The following KLRD1 variants were observed in gnomAD, a reference collection of about 807,000 sequenced individuals.
KLRD1 encodes the protein natural killer cells antigen CD94.
KLRD1 carries 21 observed loss-of-function variants against 22.6 expected under a neutral mutation model. That is an observed-to-expected ratio of 0.93 (90% CI 0.66 to 1.34). The LOEUF (loss-of-function observed/expected upper bound fraction) is 1.34, where lower values mean the gene tolerates loss of function less well. Among genes scored for constraint, KLRD1 ranks in the 40% most tolerant of loss-of-function variants. KLRD1 has a pLI of 0.00. For missense variants in KLRD1, 183 were observed against 208.6 expected (o/e 0.88, Z 0.76); for synonymous variants, 59 against 71.1 (o/e 0.83, Z 0.85).
intron 1 of KLRD1, among the ~76,000 whole-genome samples, chr12:10,239,070 ACTTTTC>A (rs1218909121): frequency 2.6e-5 from 4 of 152,338 alleles, no homozygotes; most frequent in East Asian, 1.9e-4. Flanking sequence ...TTCACCAAAG[ACTTTTC>A]CTTTATCTTT....
intron 1 of KLRD1, among the ~76,000 whole-genome samples, chr12:10,243,228 A>G (rs1208877435): frequency 6.6e-6 from 1 of 152,174 alleles, no homozygotes; most frequent in Non-Finnish European, 1.5e-5. Flanking sequence ...GAATATGTTA[A>G]TTAGATTGAT....
chr12:10,254,819 G>A (rs903844209), intron 1 of KLRD1, among the ~76,000 whole-genome samples: 1 of 132,904 alleles, frequency 7.5e-6, no homozygotes, highest in African/African-American at 2.8e-5. Context: ...CTTGAACCCA[G>A]GAGGCGGAGA....
At chr12:10,276,184 A>G (rs1182881727) in intron 1 of KLRD1, among the ~76,000 whole-genome samples, 3 of 152,042 alleles carry the variant, frequency 2.0e-5, no homozygotes, top group Non-Finnish European at 4.4e-5. Flanking sequence ...TGGACATTTA[A>G]TTGCTTTCTT....
intron 1 of KLRD1, among the ~76,000 whole-genome samples, chr12:10,261,548 A>G (rs958590252): frequency 5.9e-5 from 9 of 152,180 alleles, no homozygotes; most frequent in African/African-American, 2.2e-4. Context: ...TAGAAGATAC[A>G]TGCAGGGTAG....
chr12:10,302,314 G>T (rs967916356), upstream of KLRD1, among the ~76,000 whole-genome samples: 1 of 152,178 alleles, frequency 6.6e-6, no homozygotes. Context: ...TATACAGAAC[G>T]TGGGTTGTTT....
intron 4 of KLRD1, among the ~76,000 whole-genome samples, chr12:10,312,321 G>C (rs1592090180): frequency 6.6e-6 from 1 of 151,962 alleles, no homozygotes; most frequent in East Asian, 1.9e-4. Flanking sequence ...CAAAGTGCTA[G>C]GATTACAGGC....
intron 1 of KLRD1, among the ~76,000 whole-genome samples, chr12:10,299,389 A>T (rs1190786050): frequency 6.6e-6 from 1 of 152,178 alleles, no homozygotes; most frequent in East Asian, 1.9e-4. Context: ...AATATAAGCA[A>T]ACCTTGGAGA....
chr12:10,288,912 G>A (rs1431931694), intron 1 of KLRD1, among the ~76,000 whole-genome samples: 1 of 152,188 alleles, frequency 6.6e-6, no homozygotes, highest in Non-Finnish European at 1.5e-5. Flanking sequence ...GAGTTGGTTA[G>A]TCTGATAGAG....
intron 1 of KLRD1, among the ~76,000 whole-genome samples, chr12:10,252,149 A>ACACTAGG (rs1157736513): frequency 1.3e-5 from 2 of 152,152 alleles, no homozygotes; most frequent in African/African-American, 4.8e-5. Flanking sequence ...CATTGAAAAG[A>ACACTAGG]CACTAGGCCA....
upstream of KLRD1, among the ~76,000 whole-genome samples, chr12:10,302,404 A>C (rs1343087779): frequency 3.3e-5 from 5 of 152,204 alleles, no homozygotes; most frequent in Non-Finnish European, 7.3e-5. Context: ...GGTAAGTGTC[A>C]CCCAGTGCAG....
chr12:10,309,813 G>T (rs1452046103), intron 3 of KLRD1, 125 bp downstream of exon 3: 2 of 676,044 alleles, frequency 3.0e-6, no homozygotes, highest in Admixed American at 5.4e-5. Flanking sequence ...ACCAGTGTAG[G>T]ATAGTCTCAT....
upstream of KLRD1, among the ~76,000 whole-genome samples, chr12:10,303,524 T>C (rs1272643166): frequency 6.6e-6 from 1 of 152,216 alleles, no homozygotes; most frequent in Non-Finnish European, 1.5e-5. Context: ...TTTCCTGATA[T>C]AGATAATTTT....
intron 1 of KLRD1, chr12:10,308,389 A>G: frequency 5.7e-6 from 2 of 352,028 alleles, no homozygotes; most frequent in Non-Finnish European, 1.0e-5. Context: ...GTTCTAGTAT[A>G]GCAATAGAAA....
chr12:10,311,479 C>T lies in KLRD1; in HGVS notation c.179C>T (p.Ser60Phe). 6.2e-7 allele frequency: 1 copy of T among 1,613,852 alleles called. No individual in the cohort carries two copies. The highest frequency in any genetic ancestry group is 8.5e-7 in the Non-Finnish European group (1 of 1,179,802). ...TTTCTGTCAGACTCTGACTGCTGTT[C>T]TTGCCAAGAAAAATGGGTTGGGTAC... Reference protein sequence around the residue: ...IELQKDSDCCSCQEKWVGYRC... With the variant: ...IELQKDSDCCFCQEKWVGYRC... The change falls in exon 4 of 6, where the codon TCT becomes TTT. Residue 60 changes from serine to phenylalanine, a missense_variant. Transcript: ENST00000336164.
intron 1 of KLRD1, among the ~76,000 whole-genome samples, chr12:10,294,948 C>T (rs911993338): frequency 1.3e-5 from 2 of 152,248 alleles, no homozygotes; most frequent in South Asian, 4.1e-4. Flanking sequence ...GAGGTCAAGA[C>T]AGCGCTAACA....
At chr12:10,260,531 A>C (rs750075791) in intron 1 of KLRD1, among the ~76,000 whole-genome samples, 39 of 152,200 alleles carry the variant, frequency 2.6e-4, no homozygotes, top group Non-Finnish European at 5.1e-4. Flanking sequence ...GGCCAGGCAC[A>C]GTGGCTCACG....
intron 1 of KLRD1, among the ~76,000 whole-genome samples, chr12:10,271,279 G>A (rs1214622778): frequency 6.6e-6 from 1 of 152,096 alleles, no homozygotes; most frequent in Non-Finnish European, 1.5e-5. Flanking sequence ...GCACTAAAAA[G>A]ACACTTAACT....
intron 1 of KLRD1, among the ~76,000 whole-genome samples, chr12:10,289,754 T>C (rs1278053671): frequency 2.0e-5 from 3 of 152,204 alleles, no homozygotes; most frequent in African/African-American, 7.2e-5. Context: ...GTAATGTATC[T>C]GGTCCATATC....
rs750696767 is a variant in KLRD1 at position 10,324,818 on chromosome 12, G to GTGTATATATATATATGTA, written c.*10026_*10027insGTATATATATATATGTAT. 1 of 74,144 alleles carries GTGTATATATATATATGTA rather than the reference G, an allele frequency of 1.3e-5. No homozygotes were observed. The highest frequency in any genetic ancestry group is 2.7e-5 in the Non-Finnish European group (1 of 37,694). The allele number at this position is 74,144 out of a possible 1,614,324, so 4.6% of individuals were successfully genotyped here. ...AGTATATATGTATATGTGTGTGTGT[G>GTGTATATATATATATGTA]TATATATATATATATATATATATAT... On this transcript the variant is annotated 3_prime_UTR_variant, in exon 6 of 6. Coordinates refer to ENST00000336164, the MANE Select transcript of KLRD1 (RefSeq NM_002262.5).
Sources: allele counts gnomAD v4.1 joint callset (sites outside exome capture counted in the v4.1 genomes callset), GRCh38; gene constraint gnomAD v4.1.1; transcripts MANE v1.5; gene names NCBI Gene and HGNC (gene_info 2026-07-23, HGNC 2026-07-21).